PKD2L1: variants seen among roughly 807,000 people sequenced by gnomAD.
PKD2L1 encodes the protein polycystin-2-like protein 1.
In PKD2L1, 77 loss-of-function variants were observed where a neutral mutation model predicts 93.0. The ratio of observed to expected loss-of-function variants is 0.83; its 90% CI spans 0.69 to 1.00. PKD2L1 has a LOEUF of 1.00. Among genes scored for constraint, PKD2L1 ranks in the 50% least tolerant of loss-of-function variants. The probability of loss-of-function intolerance (pLI) is 0.00; values close to 1 mark genes in which losing one functional copy is unlikely to be tolerated. For missense variants in PKD2L1, 977 were observed against 990.9 expected (o/e 0.99, Z 0.19); for synonymous variants, 390 against 388.0 (o/e 1.01, Z -0.06).
At chr10:100,308,126 GAA>G (rs1347810180) in intron 2 of PKD2L1, among the ~76,000 whole-genome samples, 1 of 151,918 alleles carries the variant, frequency 6.6e-6, no homozygotes, top group Non-Finnish European at 1.5e-5. Flanking sequence ...TTCTTGGACA[GAA>G]ATTAAATTCT....
In PKD2L1 at chr10:100,297,224, G is replaced by T; in HGVS notation, c.957-16C>A. On this transcript the variant is annotated splice_polypyrimidine_tract_variant and intron_variant, in intron 5 of 15. Coordinates refer to ENST00000318222, the MANE Select transcript of PKD2L1 (RefSeq NM_016112.3). ...CACCACCAGCCTATAGGGGGAGGGGGAGATGACCTCCAGTGGAGCCTTCGC... is the reference window on the plus strand; with the variant it reads ...CACCACCAGCCTATAGGGGGAGGGGTAGATGACCTCCAGTGGAGCCTTCGC... The T allele has an allele frequency of 1.2e-6, 2 of 1,608,414 alleles. No individual in the cohort carries two copies. Among genetic ancestry groups the T allele is most frequent in the Non-Finnish European group, 1.7e-6 (2 of 1,175,564 alleles).
intron 2 of PKD2L1, among the ~76,000 whole-genome samples, chr10:100,305,256 C>T (rs866916788): frequency 2.0e-5 from 3 of 151,758 alleles, no homozygotes; most frequent in Non-Finnish European, 2.9e-5. Flanking sequence ...GGATTACGGG[C>T]GCCCGGCACC....
chr10:100,312,371 CA>C (rs1848953923), intron 2 of PKD2L1, among the ~76,000 whole-genome samples: 1 of 152,130 alleles, frequency 6.6e-6, no homozygotes, highest in South Asian at 2.1e-4. Context: ...GATTCAGAGC[CA>C]AAAGCTTTTA....
In PKD2L1 at chr10:100,330,020, G is replaced by C; in HGVS notation, c.84C>G (p.Pro28=). The change falls in exon 1 of 16, where the codon CCC becomes CCG. Residue 28 remains proline, a synonymous_variant. Coordinates refer to ENST00000318222, the MANE Select transcript of PKD2L1 (RefSeq NM_016112.3). ...CTCTCAGCGTCCCGTGTGGGGAAGG[G>C]GGACCACTGTAGGCGGGGTTGTCCC... ...GAWDNPAYSG[P]PSPHGTLRVC... 1 of 1,613,630 alleles carries C rather than the reference G, an allele frequency of 6.2e-7. No homozygotes were observed. The highest frequency in any genetic ancestry group is 1.1e-5 in the South Asian group (1 of 91,040).
At chr10:100,321,663 A>AAAAGAAAGAG in intron 2 of PKD2L1, among the ~76,000 whole-genome samples, 1 of 70,550 alleles carries the variant, frequency 1.4e-5, no homozygotes, top group East Asian at 3.9e-4. Context: ...ACAGAGTGAG[A>AAAAGAAAGAG]AAAGAAAGAA....
Position 100,317,015 on chromosome 10 carries a change from GA to G in PKD2L1, c.349+12195del, listed in dbSNP as rs557399967. On this transcript the variant is annotated intron_variant, in intron 2 of 15. Coordinates refer to ENST00000318222, the MANE Select transcript of PKD2L1 (RefSeq NM_016112.3). ...AGGTGGGAGGATCCCTTGAGCCTGG[GA>G]GGCAGTGGCTGCAGTGAGCCAAGAT... is the stretch of plus-strand genomic sequence containing the variant. Among the ~76,000 whole-genome samples, 209 of 152,118 alleles carry G rather than the reference GA, an allele frequency of 1.4e-3. 1 individual carries two copies. The highest frequency in any genetic ancestry group is 6.8e-4 in the Non-Finnish European group (46 of 67,996).
rs114310959 is a variant in PKD2L1, at chr10:100,321,952, C to T, written c.349+7259G>A. Among the ~76,000 whole-genome samples the T allele has an allele frequency of 8.0e-3, 811 of 101,966 alleles. 14 individuals carry two copies. Among genetic ancestry groups the T allele is most frequent in the African/African-American group, 0.029 (769 of 26,864 alleles). The allele number at this position is 101,966 out of a possible 152,430, so 66.9% of individuals were successfully genotyped here. A position where few individuals can be genotyped will look rare whatever the true frequency, so the allele number is the denominator to read the frequency against. On this transcript the variant is annotated intron_variant, in intron 2 of 15. Coordinates refer to ENST00000318222, the MANE Select transcript of PKD2L1 (RefSeq NM_016112.3). ...GGAAGGAAGGAAGGAAATATGAAAA[C>T]TACTGAGAGGCCAGGCACAGTGGCT...
intron 2 of PKD2L1, among the ~76,000 whole-genome samples, chr10:100,305,411 G>A (rs1271274834): frequency 6.6e-6 from 1 of 152,062 alleles, no homozygotes; most frequent in Non-Finnish European, 1.5e-5. Context: ...ACCACACCCG[G>A]CCAAGTGAAT....
Position 100,306,855 on chromosome 10 carries a change from C to CAAAAA in PKD2L1, c.350-7142_350-7138dup, listed in dbSNP as rs61413476. On this transcript the variant is annotated intron_variant, in intron 2 of 15. Coordinates refer to ENST00000318222, the MANE Select transcript of PKD2L1 (RefSeq NM_016112.3). ...CCTGGGCGAGAGAGTGAGACCCTGTCAAAAAAAAAAAAAAAAAAGAAAGAG... is the reference window on the plus strand; with the variant it reads ...CCTGGGCGAGAGAGTGAGACCCTGTCAAAAAAAAAAAAAAAAAAAAAAAGAAAGAG... 3.8e-3 allele frequency among the ~76,000 whole-genome samples: 189 copies of CAAAAA among 49,854 alleles called. 13 individuals are homozygous for CAAAAA. Among genetic ancestry groups the CAAAAA allele is most frequent in the African/African-American group, 0.015 (132 of 8,700 alleles). The allele number at this position is 49,854 out of a possible 152,430, so 32.7% of individuals were successfully genotyped here.
At position 100,288,923 on chromosome 10, in the gene PKD2L1, G is replaced by A. The variant is rs745815178; in HGVS notation, c.2335+49C>T. 14 of 1,261,068 alleles carry A rather than the reference G, an allele frequency of 1.1e-5. No homozygotes were observed. In the African/African-American group the frequency reaches 2.1e-4, roughly 19 times the overall value. 78.1% of individuals were successfully genotyped at this position (1,261,068 alleles called of 1,614,324 possible). A position where few individuals can be genotyped will look rare whatever the true frequency, so the allele number is the denominator to read the frequency against. The stretch of plus-strand genomic sequence containing the variant: ...ATGTGGCGAGGGGGCCTGTGCGGAG[G>A]CAGAGGGAGGGAAGCCTGCTGTCTG... On this transcript the variant is annotated intron_variant, in intron 15 of 15. Coordinates refer to ENST00000318222, the MANE Select transcript of PKD2L1 (RefSeq NM_016112.3).
At chr10:100,300,678 C>T (rs1215405594) in intron 2 of PKD2L1, among the ~76,000 whole-genome samples, 1 of 152,194 alleles carries the variant, frequency 6.6e-6, no homozygotes, top group Admixed American at 6.5e-5. Flanking sequence ...TACACATTGC[C>T]TGTTCATCTC....
intron 2 of PKD2L1, among the ~76,000 whole-genome samples, chr10:100,301,200 G>GAAGGTCAAGGCGAGATCAC (rs1399516580): frequency 6.6e-6 from 1 of 152,208 alleles, no homozygotes; most frequent in African/African-American, 2.4e-5. Context: ...TCACAAGGCA[G>GAAGGTCAAGGCGAGATCAC]AAGGTCAAGG....
intron 2 of PKD2L1, among the ~76,000 whole-genome samples, chr10:100,311,109 A>G (rs12254767): frequency 0.054 from 8,279 of 152,262 alleles, 729 homozygotes; most frequent in African/African-American, 0.19. Context: ...AAGGCCAATT[A>G]TTCCCAGAGT....
chr10:100,291,357 G>T lies in PKD2L1; in HGVS notation c.1951C>A (p.Arg651Ser), dbSNP rs115252223. 1 of 1,613,910 alleles carries T rather than the reference G, an allele frequency of 6.2e-7. No homozygotes were observed. The highest frequency in any genetic ancestry group is 1.1e-5 in the South Asian group (1 of 91,066). The change falls in exon 12 of 16, where the codon CGT becomes AGT. Residue 651 changes from arginine (R) to serine (S), a missense_variant. Arg to Ser is a moderately radical substitution (Grantham distance 110, BLOSUM62 -1). Transcript: ENST00000318222. ...TCCTGTTCCTTCTCATCCAGAATACGATTCCCATCTCTGTCAAACTTGGTG... is the reference window on the plus strand; with the variant it reads ...TCCTGTTCCTTCTCATCCAGAATACTATTCCCATCTCTGTCAAACTTGGTG... Reference protein sequence around the residue: ...TFTKFDRDGNRILDEKEQEKM... With the variant: ...TFTKFDRDGNSILDEKEQEKM...
At chr10:100,325,358 G>T (rs1849354153) in intron 2 of PKD2L1, among the ~76,000 whole-genome samples, 1 of 152,150 alleles carries the variant, frequency 6.6e-6, no homozygotes, top group Non-Finnish European at 1.5e-5. Flanking sequence ...GTGAGGCCAG[G>T]ACCTTGGAGA....
At position 100,330,049 on chromosome 10, in the gene PKD2L1, C is replaced by A. The variant is rs746131673; in HGVS notation, c.55G>T (p.Ala19Ser). The A allele has an allele frequency of 9.3e-5, 149 of 1,609,572 alleles. No homozygotes were observed. The highest frequency in any genetic ancestry group is 1.2e-4 in the Non-Finnish European group (137 of 1,177,152). ...CCACTGTAGGCGGGGTTGTCCCAGG[C>A]TCCACTCCCCAGCTTTTGCAGCTCC... ...GQELQKLGSG[A>S]WDNPAYSGPP... is the part of the protein sequence containing the mutation. The change falls in exon 1 of 16, where the codon GCC (alanine) becomes TCC (serine). Residue 19 changes from alanine to serine, a missense_variant. Coordinates refer to ENST00000318222, the MANE Select transcript of PKD2L1 (RefSeq NM_016112.3).
intron 2 of PKD2L1, among the ~76,000 whole-genome samples, chr10:100,303,907 AGGT>A (rs1428802542): frequency 6.6e-5 from 10 of 152,244 alleles, no homozygotes; most frequent in Non-Finnish European, 7.3e-5. Flanking sequence ...AGTAGCCACT[AGGT>A]GGTACTCATT....
intron 2 of PKD2L1, among the ~76,000 whole-genome samples, chr10:100,328,620 A>G (rs1334192403): frequency 6.6e-6 from 1 of 150,774 alleles, no homozygotes; most frequent in Non-Finnish European, 1.5e-5. Context: ...AGAGAGACAG[A>G]GTCTTGCTCT....
chr10:100,323,684 A>G (rs1252539041), intron 2 of PKD2L1, among the ~76,000 whole-genome samples: 3 of 152,242 alleles, frequency 2.0e-5, no homozygotes. Context: ...TGTGTTGAGA[A>G]TATTTAAAAT....
Sources: gnomAD v4.1 joint callset for allele counts (sites outside exome capture counted in the v4.1 genomes callset) on GRCh38, gnomAD v4.1.1 for gene constraint, MANE v1.5 for transcripts, NCBI Gene and HGNC (gene_info 2026-07-23, HGNC 2026-07-21) for gene names.